ZNF112: variants seen among roughly 807,000 people sequenced by gnomAD.
The protein encoded by ZNF112 is zinc finger protein 112, also known as zinc finger protein 112 (Y14).
ZNF112 carries 37 observed loss-of-function variants against 77.7 expected under a neutral mutation model. That is an observed-to-expected ratio of 0.48 (90% CI 0.37 to 0.63). The LOEUF (loss-of-function observed/expected upper bound fraction) is 0.63, where lower values mean the gene tolerates loss of function less well. Among genes scored for constraint, ZNF112 ranks in the 20% least tolerant of loss-of-function variants. The probability of loss-of-function intolerance (pLI) is 0.00; values close to 1 mark genes in which losing one functional copy is unlikely to be tolerated. For synonymous variants in ZNF112, 333 were observed against 363.6 expected, an observed-to-expected ratio of 0.92 and a Z score of 0.96; for missense variants, 950 against 1,077.4, an observed-to-expected ratio of 0.88 and a Z score of 1.66.
At chr19:44,336,854 T>C (rs1262276429) in intron 2 of ZNF112, 136 bp from the exon 3 acceptor site, 2 of 626,756 alleles carry the variant, frequency 3.2e-6, no homozygotes, top group Non-Finnish European at 5.6e-6. Flanking sequence ...CCACTCACTA[T>C]AAGAAACTAA....
intron 3 of ZNF112, among the ~76,000 whole-genome samples, chr19:44,333,495 C>G (rs1454013574): frequency 3.3e-5 from 5 of 152,076 alleles, no homozygotes; most frequent in Non-Finnish European, 7.4e-5. Flanking sequence ...ATTGTAATTC[C>G]CAGTGTTGGA....
intron 1 of ZNF112, among the ~76,000 whole-genome samples, chr19:44,350,890 G>A (rs1487198446): frequency 6.6e-6 from 1 of 152,114 alleles, no homozygotes; most frequent in African/African-American, 2.4e-5. Context: ...AGAGTCTACA[G>A]TAATTCTTTA....
At position 44,327,377 on chromosome 19, in the gene ZNF112, T is replaced by G. The variant is rs1322252603; in HGVS notation, c.*56A>C. 4.2e-6 allele frequency: 6 copies of G among 1,411,884 alleles called. No individual in the cohort carries two copies. Among genetic ancestry groups the G allele is most frequent in the Admixed American group, 2.5e-5 (1 of 39,648 alleles). The allele number at this position is 1,411,884 out of a possible 1,614,324, so 87.5% of individuals were successfully genotyped here. Reference sequence around the variant, plus strand: ...ATTACATTTTAATTTTTAAAAATTCTTTTTCTACTGAAAGAACTCTAGTGA... The same window carrying G: ...ATTACATTTTAATTTTTAAAAATTCGTTTTCTACTGAAAGAACTCTAGTGA... On this transcript the variant is annotated 3_prime_UTR_variant, in exon 4 of 4. Transcript: ENST00000354340.
At chr19:44,361,955 T>G (rs1389842427) in intron 1 of ZNF112, among the ~76,000 whole-genome samples, 4 of 152,166 alleles carry the variant, frequency 2.6e-5, no homozygotes, top group African/African-American at 9.7e-5. Context: ...GCTCTTAAAA[T>G]AAAGTCTATT....
intron 1 of ZNF112, among the ~76,000 whole-genome samples, chr19:44,340,831 C>A (rs905338682): frequency 6.6e-6 from 1 of 152,198 alleles, no homozygotes; most frequent in Non-Finnish European, 1.5e-5. Flanking sequence ...GTCATTTGCT[C>A]CACAAAAGCT....
chr19:44,335,477 T>C (rs78552376), intron 3 of ZNF112, among the ~76,000 whole-genome samples: 3 of 152,214 alleles, frequency 2.0e-5, no homozygotes, highest in Non-Finnish European at 4.4e-5. Context: ...TATATGATCA[T>C]GTTAGTATAG....
upstream of ZNF112, among the ~76,000 whole-genome samples, chr19:44,357,554 C>T (rs1299720270): frequency 3.3e-5 from 5 of 151,438 alleles, no homozygotes; most frequent in Non-Finnish European, 7.4e-5. Context: ...TCCACAAGAA[C>T]GTGGATGCCA....
chr19:44,335,472 GATC>G (rs1970349155), intron 3 of ZNF112, among the ~76,000 whole-genome samples: 1 of 152,176 alleles, frequency 6.6e-6, no homozygotes, highest in Admixed American at 6.5e-5. Context: ...TGAGGTATAT[GATC>G]ATGTTAGTAT....
chr19:44,347,528 A>T (rs1404699398), intron 1 of ZNF112, among the ~76,000 whole-genome samples: 22 of 29,876 alleles, frequency 7.4e-4, no homozygotes, highest in African/African-American at 1.0e-3. Flanking sequence ...CATTGTATCT[A>T]TTAGCTTTTG....
In ZNF112 at chr19:44,336,630, T is replaced by A. The variant is rs747744978; in HGVS notation, c.213A>T (p.Gly71=). 3.8e-5 allele frequency: 61 copies of A among 1,613,422 alleles called. No homozygotes were observed. The South Asian group carries it at 6.6e-4, about 17-fold the overall frequency. Residue 71 remains glycine, a synonymous_variant, in exon 3 of 4, where the codon GGA becomes GGT. Transcript: ENST00000354340. ...LMVETETPRD[G]CSGRKNQQKM... Reference sequence around the variant, plus strand: ...CTGCAGCACAGTTCTCACCTGAACATCCATCTCTTGGGGTTTCTGTCTCCA... The same window carrying A: ...CTGCAGCACAGTTCTCACCTGAACAACCATCTCTTGGGGTTTCTGTCTCCA...
chr19:44,347,637 T>G (rs768106199), intron 1 of ZNF112, among the ~76,000 whole-genome samples: 22 of 151,918 alleles, frequency 1.4e-4, no homozygotes, highest in Admixed American at 6.6e-4. Context: ...TTTTACTACT[T>G]TTTGTAAAAT....
chr19:44,336,572 T>A, intron 3 of ZNF112, 51 bp downstream of exon 3: 1 of 1,464,300 alleles, frequency 6.8e-7, no homozygotes. Context: ...TTCTGACTCA[T>A]GTTCTAGAAG....
Position 44,329,820 on chromosome 19 carries a change from A to G in ZNF112, c.337T>C (p.Cys113Arg), listed in dbSNP as rs760325057. The G allele has an allele frequency of 9.3e-6, 15 of 1,613,832 alleles. No individual in the cohort carries two copies. In the African/African-American group the frequency reaches 1.9e-4, roughly 20 times the overall value. Residue 113 changes from cysteine to arginine, a missense_variant, in exon 4 of 4, where the codon TGT becomes CGT. Around this residue, in one of 3 missense-constraint regions of ZNF112, gnomAD observed 560 missense variants for 557.3 expected, o/e 1.00. Transcript: ENST00000354340. ...TGAAAAACTTTCAGGAAATCTTGACACCTGATTAACCCACCTGCACTTTGT... is the reference window on the plus strand; with the variant it reads ...TGAAAAACTTTCAGGAAATCTTGACGCCTGATTAACCCACCTGCACTTTGT... The part of the protein sequence containing the change: ...WQQSAGGLIR[C>R]QDFLKVFQGK...
upstream of ZNF112, among the ~76,000 whole-genome samples, chr19:44,357,305 AACAGAGAAGCTTGCAAT>A (rs139659810): frequency 0.011 from 1,667 of 152,314 alleles, 36 homozygotes; most frequent in African/African-American, 0.036. Context: ...TAAAGGAGAG[AACAGAGAAGCTTGCAAT>A]ACAGGAAGAA....
intron 1 of ZNF112, among the ~76,000 whole-genome samples, chr19:44,346,076 T>C (rs1463619742): frequency 2.0e-5 from 3 of 152,250 alleles, no homozygotes; most frequent in Admixed American, 2.0e-4. Context: ...ACTGAGCTTG[T>C]ATGTGCCCCG....
intron 1 of ZNF112, among the ~76,000 whole-genome samples, chr19:44,363,311 C>CA (rs1465672765): frequency 6.6e-6 from 1 of 152,150 alleles, no homozygotes; most frequent in Non-Finnish European, 1.5e-5. Flanking sequence ...AAGAATTATA[C>CA]AGTAGTCACC....
chr19:44,328,754 T>C lies in ZNF112; in HGVS notation c.1403A>G (p.Tyr468Cys), dbSNP rs770744772. The C allele has an allele frequency of 1.9e-6, 3 of 1,614,074 alleles. No homozygotes were observed. The highest frequency in any genetic ancestry group is 2.5e-6 in the Non-Finnish European group (3 of 1,179,962). Residue 468 changes from tyrosine to cysteine, a missense_variant, in exon 4 of 4, where the codon TAT becomes TGT. By Grantham distance (194) the Tyr-to-Cys change is radical (BLOSUM62 -2). Transcript: ENST00000354340. ...VHTKEQPYKR[Y>C]VCSNSFSHNL... ...ATGGCTGAAGCTGTTACTACACACATAGCGTTTATATGGTTGTTCCTTAGT... is the reference window on the plus strand; with the variant it reads ...ATGGCTGAAGCTGTTACTACACACACAGCGTTTATATGGTTGTTCCTTAGT...
chr19:44,363,680 TTTAA>T (rs1370849242), intron 1 of ZNF112, among the ~76,000 whole-genome samples: 3 of 152,226 alleles, frequency 2.0e-5, no homozygotes, highest in Non-Finnish European at 4.4e-5. Context: ...TTGCTTACAT[TTTAA>T]TTGTTTAAAT....
chr19:44,331,995 A>G (rs1171991206), intron 3 of ZNF112, among the ~76,000 whole-genome samples: 1 of 152,170 alleles, frequency 6.6e-6, no homozygotes, highest in Non-Finnish European at 1.5e-5. Flanking sequence ...AGTCTTTCTC[A>G]TTTTTAAAGT....
Sources: allele counts gnomAD v4.1 joint callset (sites outside exome capture counted in the v4.1 genomes callset), GRCh38; gene constraint gnomAD v4.1.1; regional missense constraint gnomAD v4.1.1; transcripts MANE v1.5; gene names NCBI Gene and HGNC (gene_info 2026-07-23, HGNC 2026-07-21).